HYCC1: variants seen among roughly 807,000 people sequenced by gnomAD.
HYCC1 encodes the protein hyccin PI4KA lipid kinase complex subunit 1.
chr7:23,005,456 T>A, the HYCC1 span, among the ~76,000 whole-genome samples: 1 of 152,206 alleles, frequency 6.6e-6, no homozygotes, highest in Non-Finnish European at 1.5e-5. Flanking sequence ...TATTTTATGA[T>A]CTTATAGTTC....
the HYCC1 span, among the ~76,000 whole-genome samples, chr7:22,912,623 A>G: frequency 2.6e-5 from 4 of 152,176 alleles, no homozygotes; most frequent in Admixed American, 2.6e-4. Flanking sequence ...TGCCCCACCC[A>G]GAATAGTGCT....
the HYCC1 span, among the ~76,000 whole-genome samples, chr7:22,929,179 C>G: frequency 6.6e-6 from 1 of 152,174 alleles, no homozygotes. Flanking sequence ...ACACCTTATA[C>G]AAAAATTAAT....
At chr7:23,002,933 G>A in the HYCC1 span, among the ~76,000 whole-genome samples, 2 of 152,108 alleles carry the variant, frequency 1.3e-5, no homozygotes, top group Non-Finnish European at 1.5e-5. Context: ...TATAGATGGC[G>A]GTCTTCTCCC....
At chr7:22,970,187 T>G in the HYCC1 span, among the ~76,000 whole-genome samples, 7 of 152,342 alleles carry the variant, frequency 4.6e-5, no homozygotes, top group African/African-American at 1.7e-4. Context: ...AGGAAATAAG[T>G]GATCATCTAT....
At chr7:22,970,002 G>A in the HYCC1 span, among the ~76,000 whole-genome samples, 4 of 150,710 alleles carry the variant, frequency 2.7e-5, no homozygotes, top group Non-Finnish European at 5.9e-5. Flanking sequence ...GTAAGTTACT[G>A]TTGTTATTAT....
chr7:22,977,647 G>A, the HYCC1 span, among the ~76,000 whole-genome samples: 1 of 152,170 alleles, frequency 6.6e-6, no homozygotes, highest in Non-Finnish European at 1.5e-5. Context: ...CAGGATGGCT[G>A]AGATACAGAT....
chr7:22,997,048 T>C, the HYCC1 span, among the ~76,000 whole-genome samples: 11 of 152,214 alleles, frequency 7.2e-5, no homozygotes, highest in African/African-American at 2.7e-4. Context: ...GCTAGGAGTC[T>C]ATGTAGTATT....
chr7:22,936,390 C>G, the HYCC1 span: 52 of 152,248 alleles, frequency 3.4e-4, no homozygotes, highest in African/African-American at 1.2e-3. Flanking sequence ...CCTGTGTAGC[C>G]CTATCCTTCC....
At chr7:22,956,616 G>A in the HYCC1 span, among the ~76,000 whole-genome samples, 1 of 151,714 alleles carries the variant, frequency 6.6e-6, no homozygotes, top group Non-Finnish European at 1.5e-5. Flanking sequence ...TGCACTGTCT[G>A]GTCAAAATTT....
At chr7:22,948,293 G>A in the HYCC1 span, among the ~76,000 whole-genome samples, 1,061 of 152,062 alleles carry the variant, frequency 7.0e-3, 9 homozygotes, top group South Asian at 0.013. Context: ...AAATACTTTC[G>A]TGATAGGATT....
At chr7:22,943,263 T>C in the HYCC1 span, 1 of 152,200 alleles carries the variant, frequency 6.6e-6, no homozygotes, top group Non-Finnish European at 1.5e-5. Flanking sequence ...AAGATTATAA[T>C]GATCTAGTGT....
chr7:23,003,956 T>C, the HYCC1 span, among the ~76,000 whole-genome samples: 120 of 152,036 alleles, frequency 7.9e-4, no homozygotes, highest in African/African-American at 2.7e-3. Context: ...ATTATGAATA[T>C]AGTTGTTTTT....
the HYCC1 span, among the ~76,000 whole-genome samples, chr7:22,902,505 C>A: frequency 6.6e-6 from 1 of 151,816 alleles, no homozygotes; most frequent in Non-Finnish European, 1.5e-5. Flanking sequence ...ATTATTGGAA[C>A]CAAAATTTAA....
the HYCC1 span, among the ~76,000 whole-genome samples, chr7:22,979,787 A>G: frequency 6.6e-6 from 1 of 152,222 alleles, no homozygotes; most frequent in Admixed American, 6.5e-5. Context: ...AAAAGGCTTT[A>G]TAACCCATTT....
At chr7:22,915,887 A>G in the HYCC1 span, among the ~76,000 whole-genome samples, 1 of 151,960 alleles carries the variant, frequency 6.6e-6, no homozygotes, top group East Asian at 1.9e-4. Flanking sequence ...TTTTTAACTA[A>G]ATTATCTGCT....
the HYCC1 span, among the ~76,000 whole-genome samples, chr7:23,001,638 A>C: frequency 5.3e-5 from 8 of 152,146 alleles, no homozygotes; most frequent in Non-Finnish European, 7.4e-5. Flanking sequence ...AAAAGTATTC[A>C]ATTTACTTAG....
chr7:22,912,158 G>T, the HYCC1 span, among the ~76,000 whole-genome samples: 4 of 152,146 alleles, frequency 2.6e-5, no homozygotes, highest in African/African-American at 4.8e-5. Context: ...AAAGTCTCTG[G>T]AAATTCTCCA....
the HYCC1 span, among the ~76,000 whole-genome samples, chr7:22,998,693 T>C: frequency 6.6e-6 from 1 of 152,114 alleles, no homozygotes; most frequent in African/African-American, 2.4e-5. Flanking sequence ...GTCTGGGCCC[T>C]TATTTCCTCT....
the HYCC1 span, among the ~76,000 whole-genome samples, chr7:22,905,384 G>GTTTTTTTTTTTTTT: frequency 8.0e-5 from 5 of 62,402 alleles, no homozygotes; most frequent in Non-Finnish European, 1.2e-4. Context: ...GGCTAATTTT[G>GTTTTTTTTTTTTTT]TATTTTTTTT....
Sources: gnomAD v4.1 joint callset for allele counts (sites outside exome capture counted in the v4.1 genomes callset) on GRCh38, gnomAD v4.1.1 for gene constraint, MANE v1.5 for transcripts, NCBI Gene and HGNC (gene_info 2026-07-23, HGNC 2026-07-21) for gene names.